Variants in DOCK3 observed in about 807,000 individuals in gnomAD.
The protein encoded by DOCK3 is dedicator of cytokinesis 3.
A neutral mutation model predicts 265.6 loss-of-function variants in DOCK3; 60 were observed. The observed-to-expected ratio is 0.23, with a 90% CI of 0.18 to 0.28. DOCK3 has a LOEUF of 0.28. Ranked by LOEUF, DOCK3 falls within the 10% of genes least tolerant of loss-of-function variation. The pLI, the probability that DOCK3 is intolerant of heterozygous loss-of-function variation, is 1.00. For synonymous variants in DOCK3, 881 were observed against 938.0 expected, an observed-to-expected ratio of 0.94 and a Z score of 1.11; for missense variants, 1,981 against 2,594.3, an observed-to-expected ratio of 0.76 and a Z score of 5.14.
chr3:51,381,868 T>G lies in DOCK3; in HGVS notation c.*309T>G. ...CAGTTCTGGACCATGTGGAGCTACA[T>G]GGAGAAATTGCACAGACAGAATCAC... On this transcript the variant is annotated 3_prime_UTR_variant, in exon 53 of 53. Coordinates refer to ENST00000266037, the MANE Select transcript of DOCK3 (RefSeq NM_004947.5). This position sits in a 1 kb window ranked among gnomAD's most constrained non-coding sequence, Gnocchi z 5.6. 1 of 272,586 alleles carries G rather than the reference T, an allele frequency of 3.7e-6. No homozygotes were observed. Among genetic ancestry groups the G allele is most frequent in the Non-Finnish European group, 6.9e-6 (1 of 145,124 alleles). 16.9% of individuals were successfully genotyped at this position (272,586 alleles called of 1,614,324 possible). A position where few individuals can be genotyped will look rare whatever the true frequency, so the allele number is the denominator to read the frequency against.
At chr3:50,871,259 T>C (rs780334179) in intron 3 of DOCK3, among the ~76,000 whole-genome samples, 1 of 152,040 alleles carries the variant, frequency 6.6e-6, no homozygotes, top group Non-Finnish European at 1.5e-5. Flanking sequence ...CTTCATGTTT[T>C]AAGTGTATTT....
intron 5 of DOCK3, among the ~76,000 whole-genome samples, chr3:51,034,620 C>T (rs1575831273): frequency 6.6e-6 from 1 of 151,858 alleles, no homozygotes; most frequent in East Asian, 1.9e-4. Flanking sequence ...TTTCTTTAAT[C>T]AATTATATTT....
intron 2 of DOCK3, among the ~76,000 whole-genome samples, chr3:50,803,948 C>T (rs908317411): frequency 1.4e-4 from 21 of 150,510 alleles, no homozygotes; most frequent in South Asian, 8.5e-4. Flanking sequence ...CCAGATGGGG[C>T]GGCTGCCGGG....
intron 5 of DOCK3, among the ~76,000 whole-genome samples, chr3:51,062,049 C>A (rs1354253739): frequency 1.3e-5 from 2 of 152,146 alleles, no homozygotes; most frequent in East Asian, 3.9e-4. Context: ...AGCATTCTTA[C>A]CTTCATCCAA....
chr3:50,945,129 A>G (rs746772429), intron 5 of DOCK3, among the ~76,000 whole-genome samples: 4 of 152,214 alleles, frequency 2.6e-5, no homozygotes, highest in Non-Finnish European at 5.9e-5. Flanking sequence ...AGGTAAAGGT[A>G]TGTGTGTTTG....
intron 22 of DOCK3, 64 bp from the exon 23 acceptor site, chr3:51,260,092 C>T (rs2079772852): frequency 2.6e-6 from 4 of 1,516,400 alleles, no homozygotes; most frequent in Non-Finnish European, 3.6e-6. Flanking sequence ...CCCTTGTTTC[C>T]TGCTATGTGA....
intron 22 of DOCK3, among the ~76,000 whole-genome samples, chr3:51,257,285 C>T (rs1267213146): frequency 9.2e-5 from 14 of 152,174 alleles, no homozygotes; most frequent in Non-Finnish European, 1.8e-4. Context: ...TGTTTTCCTT[C>T]TTCTTCATAG....
At chr3:50,905,907 A>G (rs939277230) in intron 4 of DOCK3, among the ~76,000 whole-genome samples, 2 of 151,950 alleles carry the variant, frequency 1.3e-5, no homozygotes, top group Non-Finnish European at 2.9e-5. Flanking sequence ...GTTTGTCATA[A>G]ATAGCTCTTA....
chr3:50,774,522 T>C (rs1284714105), intron 1 of DOCK3, among the ~76,000 whole-genome samples: 1 of 152,080 alleles, frequency 6.6e-6, no homozygotes, highest in Non-Finnish European at 1.5e-5. Context: ...TTTATTGATA[T>C]ATAGACTTAA....
intron 5 of DOCK3, among the ~76,000 whole-genome samples, chr3:50,949,871 CTT>C (rs1217227741): frequency 6.6e-6 from 1 of 152,008 alleles, no homozygotes; most frequent in Admixed American, 6.6e-5. Context: ...TAGGAAATAT[CTT>C]TTGGCTTTGC....
At chr3:50,903,856 C>T (rs2049329400) in intron 4 of DOCK3, among the ~76,000 whole-genome samples, 1 of 151,820 alleles carries the variant, frequency 6.6e-6, no homozygotes, top group Admixed American at 6.6e-5. Flanking sequence ...TGTTGGTGTG[C>T]TGCACCCATT....
chr3:51,308,222 CTTTTTTT>C (rs779774728), intron 27 of DOCK3, among the ~76,000 whole-genome samples: 3 of 132,588 alleles, frequency 2.3e-5, no homozygotes, highest in African/African-American at 8.3e-5. Flanking sequence ...ATCCATTTTT[CTTTTTTT>C]TTTTTTTTAT....
chr3:50,744,101 T>G (rs2039263263), intron 1 of DOCK3, among the ~76,000 whole-genome samples: 1 of 152,206 alleles, frequency 6.6e-6, no homozygotes, highest in Non-Finnish European at 1.5e-5. Context: ...TTAAAGTCCT[T>G]TGTCCATTTT....
intron 31 of DOCK3, among the ~76,000 whole-genome samples, chr3:51,313,762 G>A (rs1362691110): frequency 6.6e-6 from 1 of 152,158 alleles, no homozygotes; most frequent in Non-Finnish European, 1.5e-5. Flanking sequence ...CGGCGAGAGG[G>A]CCTTCTATTC....
chr3:50,970,937 A>G (rs989085640), intron 5 of DOCK3, among the ~76,000 whole-genome samples: 11 of 73,092 alleles, frequency 1.5e-4, no homozygotes, highest in Admixed American at 5.0e-4. Context: ...ATATATATAT[A>G]TATATATATA....
In DOCK3 at chr3:50,768,269, C is replaced by G. The variant is rs13065767; in HGVS notation, c.38-10406C>G. 4.9e-3 allele frequency among the ~76,000 whole-genome samples: 745 copies of G among 152,150 alleles called. 2 individuals are homozygous for G. The highest frequency in any genetic ancestry group is 0.01 in the Middle Eastern group (3 of 294). ...GGCTGTGGGTTTGTCATAAATAGCT[C>G]TTATTATTTTGAGATATGTCCCATC... On this transcript the variant is annotated intron_variant, in intron 1 of 52. Coordinates refer to ENST00000266037, the MANE Select transcript of DOCK3 (RefSeq NM_004947.5).
intron 1 of DOCK3, among the ~76,000 whole-genome samples, chr3:50,717,837 C>G (rs948122379): frequency 6.6e-6 from 1 of 152,150 alleles, no homozygotes; most frequent in African/African-American, 2.4e-5. Context: ...GTTGGCCAGG[C>G]TGGTCTCGAA....
intron 12 of DOCK3, among the ~76,000 whole-genome samples, chr3:51,178,895 C>A (rs1230719069): frequency 1.3e-5 from 2 of 152,198 alleles, no homozygotes; most frequent in Non-Finnish European, 2.9e-5. Context: ...ATTGAGCACT[C>A]ACCATGGGCT....
In DOCK3 at chr3:51,380,174, C is replaced by A. The variant is rs1204210562; in HGVS notation, c.5550C>A (p.Thr1850=). 24 of 1,613,490 alleles carry A rather than the reference C, an allele frequency of 1.5e-5. No homozygotes were observed. The highest frequency in any genetic ancestry group is 1.9e-5 in the Non-Finnish European group (23 of 1,179,632). The stretch of plus-strand genomic sequence containing the variant: ...CCTTCCACCACCCTCTGGGTGATAC[C>A]CCCCCAGCCCTCCCTGCCCGGACCC... ...FDAFHHPLGD[T]PPALPARTLR... The change falls in exon 52 of 53, where the codon ACC becomes ACA. Residue 1850 remains threonine (T), a synonymous_variant. Coordinates refer to ENST00000266037, the MANE Select transcript of DOCK3 (RefSeq NM_004947.5).
Sources: gnomAD v4.1 joint callset for allele counts (sites outside exome capture counted in the v4.1 genomes callset) on GRCh38, gnomAD v4.1.1 for gene constraint, Gnocchi (gnomAD v3.1) non-coding constraint, MANE v1.5 for transcripts, NCBI Gene and HGNC (gene_info 2026-07-23, HGNC 2026-07-21) for gene names.